NSD3: variants seen among roughly 807,000 people sequenced by gnomAD.
NSD3 encodes histone-lysine N-methyltransferase NSD3.
In NSD3, 24 loss-of-function variants were observed where a neutral mutation model predicts 160.8. That is an observed-to-expected ratio of 0.15 (90% CI 0.11 to 0.21). The LOEUF is 0.21. Among genes scored for constraint, NSD3 ranks in the 10% least tolerant of loss-of-function variants. The pLI is 1.00. For missense variants in NSD3, 1,157 were observed against 1,735.9 expected (o/e 0.67, Z 5.93); for synonymous variants, 520 against 600.0 (o/e 0.87, Z 1.95).
chr8:38,360,981 C>A (rs1810946188), intron 1 of NSD3, among the ~76,000 whole-genome samples: 2 of 151,998 alleles, frequency 1.3e-5, no homozygotes, highest in South Asian at 4.2e-4. Context: ...TATTAAATAA[C>A]GAAGCAAAAG....
Position 38,319,172 on chromosome 8 carries a change from AG to A in NSD3, c.1810-233del. 1 of 456,216 alleles carries A rather than the reference AG, an allele frequency of 2.2e-6. No individual in the cohort carries two copies. The highest frequency in any genetic ancestry group is 3.9e-6 in the Non-Finnish European group (1 of 256,592). The allele number at this position is 456,216 out of a possible 1,614,324, so 28.3% of individuals were successfully genotyped here. A position where few individuals can be genotyped will look rare whatever the true frequency, so the allele number is the denominator to read the frequency against. Reference sequence around the variant, plus strand: ...GACAACACACAGCCACATGCTCTCTAGCAAAGACTTTTCCCACCATTCCCTT... The same window carrying A: ...GACAACACACAGCCACATGCTCTCTACAAAGACTTTTCCCACCATTCCCTT... On this transcript the variant is annotated intron_variant, in intron 8 of 23. Coordinates refer to ENST00000317025, the MANE Select transcript of NSD3 (RefSeq NM_023034.2). The surrounding 1 kb of genome is among the most constrained non-coding windows in gnomAD (Gnocchi z 4.1).
rs1809999077 is a variant in NSD3 at position 38,329,477 on chromosome 8, C to T, written c.1482G>A (p.Lys494=). The T allele has an allele frequency of 6.2e-7, 1 of 1,614,238 alleles. No homozygotes were observed. The highest frequency in any genetic ancestry group is 2.2e-5 in the East Asian group (1 of 44,886). Residue 494 remains lysine (K), a synonymous_variant, in exon 6 of 24, where the codon AAG becomes AAA. Coordinates refer to ENST00000317025, the MANE Select transcript of NSD3 (RefSeq NM_023034.2). The surrounding 1 kb of genome is among the most constrained non-coding windows in gnomAD (Gnocchi z 4.8). ...TMHKGSLDLQ[K]CNMSPVVKIE... is the part of the protein sequence containing the mutation. ...TTTTCACAACTGGAGACATGTTACA[C>T]TTCTGCAAATCCAGGCTCCCTTTGT...
intron 4 of NSD3, among the ~76,000 whole-genome samples, chr8:38,333,058 T>C (rs959044680): frequency 2.0e-5 from 3 of 151,992 alleles, no homozygotes; most frequent in African/African-American, 4.8e-5. Context: ...GGGGGAAAAA[T>C]AGAAATATAA....
intron 2 of NSD3, among the ~76,000 whole-genome samples, chr8:38,342,790 C>A (rs1393252252): frequency 6.6e-6 from 1 of 151,966 alleles, no homozygotes; most frequent in African/African-American, 2.4e-5. Flanking sequence ...GATCTCTTGA[C>A]CTTGTGATCC....
chr8:38,313,490 T>C (rs771636858), intron 12 of NSD3, among the ~76,000 whole-genome samples: 1 of 152,120 alleles, frequency 6.6e-6, no homozygotes, highest in Non-Finnish European at 1.5e-5. Context: ...AAATGCTTAG[T>C]ACTTGTAGCA....
Position 38,305,359 on chromosome 8 carries a change from C to T in NSD3, c.2329G>A (p.Ala777Thr). ...VGACGKFYHE[A>T]CVRKFPTAIF... is the part of the protein sequence containing the mutation. ...GCAGTGGGGAATTTGCGGACACAGGCTTCATGATAAAATTTCCCACAAGCA... is the reference window on the plus strand; with the variant it reads ...GCAGTGGGGAATTTGCGGACACAGGTTTCATGATAAAATTTCCCACAAGCA... Residue 777 changes from alanine to threonine, a missense_variant, in exon 13 of 24, where the codon GCC becomes ACC. Physicochemically the swap from Ala to Thr is moderately conservative, Grantham distance 58. Around this residue, in one of 10 missense-constraint regions of NSD3, gnomAD observed 437 missense variants for 576.6 expected, o/e 0.76. Transcript: ENST00000317025. 6.2e-7 allele frequency: 1 copy of T among 1,614,164 alleles called. No homozygotes were observed. Among genetic ancestry groups the T allele is most frequent in the Non-Finnish European group, 8.5e-7 (1 of 1,180,032 alleles).
chr8:38,381,832 G>A lies in NSD3; in HGVS notation c.-78C>T, dbSNP rs570789165. 6.5e-6 allele frequency: 1 copy of A among 154,404 alleles called. No homozygotes were observed. Among genetic ancestry groups the A allele is most frequent in the South Asian group, 2.0e-4 (1 of 4,942 alleles). The allele number at this position is 154,404 out of a possible 1,614,324, so 9.6% of individuals were successfully genotyped here. On this transcript the variant is annotated 5_prime_UTR_variant, in exon 1 of 24. Transcript: ENST00000317025. ...TGTTCCATTCTAACCCCCCGGCCGTGTCAGTGCGATCACAGGAGAGACACG... is the reference window on the plus strand; with the variant it reads ...TGTTCCATTCTAACCCCCCGGCCGTATCAGTGCGATCACAGGAGAGACACG...
chr8:38,327,921 G>A (rs190135334), intron 6 of NSD3, among the ~76,000 whole-genome samples: 1 of 152,030 alleles, frequency 6.6e-6, no homozygotes, highest in African/African-American at 2.4e-5. Context: ...TATTTTTTTG[G>A]CCAGGCACCG....
At position 38,315,426 on chromosome 8, in the gene NSD3, G is replaced by C; in HGVS notation, c.2105C>G (p.Thr702Ser). The change falls in exon 11 of 24, where the codon ACT (threonine) becomes AGT (serine). Residue 702 changes from threonine to serine, a missense_variant. This residue lies in a region of NSD3 where 437 missense variants were observed against 576.6 expected (regional missense o/e 0.76). Transcript: ENST00000317025. Reference protein sequence around the residue: ...RRGTGMSKKDTVCQICESSGD... With the variant: ...RRGTGMSKKDSVCQICESSGD... ...CAGTTACCTGCCTACCTGACATACAGTGTCCTTCTTACTCATTCCAGTGCC... is the reference window on the plus strand; with the variant it reads ...CAGTTACCTGCCTACCTGACATACACTGTCCTTCTTACTCATTCCAGTGCC... 3 of 1,586,442 alleles carry C rather than the reference G, an allele frequency of 1.9e-6. No homozygotes were observed. Among genetic ancestry groups the C allele is most frequent in the Non-Finnish European group, 2.6e-6 (3 of 1,171,436 alleles).
intron 1 of NSD3, among the ~76,000 whole-genome samples, chr8:38,380,138 T>C (rs1166478015): frequency 2.6e-5 from 4 of 152,206 alleles, no homozygotes; most frequent in African/African-American, 9.6e-5. Flanking sequence ...GGAGATTGTA[T>C]TGAGCCAGCT....
chr8:38,331,863 T>C (rs1320204132), intron 4 of NSD3, among the ~76,000 whole-genome samples: 1 of 152,164 alleles, frequency 6.6e-6, no homozygotes, highest in East Asian at 1.9e-4. Flanking sequence ...CAAAATAACA[T>C]TCTTCTCATT....
At position 38,300,611 on chromosome 8, in the gene NSD3, T is replaced by C. The variant is rs531081879; in HGVS notation, c.2612-1021A>G. On this transcript the variant is annotated intron_variant, in intron 14 of 23. Coordinates refer to ENST00000317025, the MANE Select transcript of NSD3 (RefSeq NM_023034.2). Reference sequence around the variant, plus strand: ...ATCTTTTTGATCTACCAATTACAGCTATGCTACTTGGAGGAAAACACTAAA... The same window carrying C: ...ATCTTTTTGATCTACCAATTACAGCCATGCTACTTGGAGGAAAACACTAAA... Among the ~76,000 whole-genome samples the C allele has an allele frequency of 9.2e-5, 14 of 152,360 alleles. No individual in the cohort carries two copies. The South Asian group carries it at 2.1e-3, about 23-fold the overall frequency.
chr8:38,315,737 A>G (rs1158675554), intron 10 of NSD3, among the ~76,000 whole-genome samples, 175 bp downstream of exon 10: 3 of 152,272 alleles, frequency 2.0e-5, no homozygotes, highest in Non-Finnish European at 4.4e-5. Flanking sequence ...TAAAATTACA[A>G]ACAAACTATA....
chr8:38,338,692 C>A lies in NSD3; in HGVS notation c.676-85G>T, dbSNP rs914587388. On this transcript the variant is annotated intron_variant, in intron 2 of 23. Transcript: ENST00000317025. ...AAACAGTGACATACATAAAAAGAAT[C>A]AAAGAAAACTAAATAAAGAGAATAA... The A allele has an allele frequency of 2.6e-5, 28 of 1,075,620 alleles. No individual in the cohort carries two copies. The African/African-American group carries it at 4.1e-4, about 16-fold the overall frequency. 66.6% of individuals were successfully genotyped at this position (1,075,620 alleles called of 1,614,324 possible). A position where few individuals can be genotyped will look rare whatever the true frequency, so the allele number is the denominator to read the frequency against.
At chr8:38,372,814 T>TAAAA (rs750072695) in intron 1 of NSD3, among the ~76,000 whole-genome samples, 2 of 121,820 alleles carry the variant, frequency 1.6e-5, no homozygotes, top group African/African-American at 3.0e-5. Context: ...TTACTATTAT[T>TAAAA]AAAAAAAAAA....
chr8:38,307,894 A>T (rs1341744488), intron 12 of NSD3, among the ~76,000 whole-genome samples: 1 of 152,262 alleles, frequency 6.6e-6, no homozygotes, highest in Non-Finnish European at 1.5e-5. Context: ...AAATATTAAC[A>T]AATGATAAGA....
intron 1 of NSD3, among the ~76,000 whole-genome samples, chr8:38,376,678 C>G (rs1299889924): frequency 6.6e-6 from 1 of 152,132 alleles, no homozygotes; most frequent in Admixed American, 6.5e-5. Context: ...CTCAGGTGAT[C>G]CACCCGCCTT....
chr8:38,369,096 T>A (rs1585930591), intron 1 of NSD3, among the ~76,000 whole-genome samples: 2 of 152,332 alleles, frequency 1.3e-5, no homozygotes, highest in East Asian at 3.9e-4. Context: ...ATCTAAATAA[T>A]AATTTACTAA....
At chr8:38,298,645 G>A (rs1418806453) in intron 15 of NSD3, among the ~76,000 whole-genome samples, 4 of 151,996 alleles carry the variant, frequency 2.6e-5, no homozygotes, top group African/African-American at 9.7e-5. Flanking sequence ...ACAGGAAAAG[G>A]CCCTCACCTT....
Sources: allele counts gnomAD v4.1 joint callset (sites outside exome capture counted in the v4.1 genomes callset), GRCh38; gene constraint gnomAD v4.1.1; regional missense constraint gnomAD v4.1.1; non-coding constraint Gnocchi (gnomAD v3.1); transcripts MANE v1.5; gene names NCBI Gene and HGNC (gene_info 2026-07-23, HGNC 2026-07-21).